Variants in MIPEP observed in about 807,000 individuals in gnomAD.
The protein encoded by MIPEP is mitochondrial intermediate peptidase.
In MIPEP, 79 loss-of-function variants were observed where a neutral mutation model predicts 90.3. The ratio of observed to expected loss-of-function variants is 0.87; its 90% CI spans 0.73 to 1.05. MIPEP has a LOEUF of 1.05. Among genes scored for constraint, MIPEP ranks in the 50% least tolerant of loss-of-function variants. The pLI is 0.00. For missense variants in MIPEP, 940 were observed against 905.6 expected (o/e 1.04, Z -0.49); for synonymous variants, 334 against 315.8 (o/e 1.06, Z -0.61).
At chr13:23,731,968 A>ATTTTT (rs57109674) in intron 18 of MIPEP, among the ~76,000 whole-genome samples, 3 of 97,870 alleles carry the variant, frequency 3.1e-5, no homozygotes, top group East Asian at 3.7e-4. Context: ...AGAATAGCTA[A>ATTTTT]TTTTTTTTTT....
intron 10 of MIPEP, among the ~76,000 whole-genome samples, chr13:23,852,255 C>T (rs1027445956): frequency 3.3e-5 from 5 of 151,982 alleles, no homozygotes; most frequent in East Asian, 1.9e-4. Flanking sequence ...CAAGGAAATA[C>T]GAATATAGAC....
At chr13:23,779,271 T>G (rs1350881682) in intron 16 of MIPEP, among the ~76,000 whole-genome samples, 1 of 152,178 alleles carries the variant, frequency 6.6e-6, no homozygotes, top group Non-Finnish European at 1.5e-5. Context: ...GAGTGATGTG[T>G]ATGTAGAAAA....
chr13:23,811,495 G>C (rs1330804122), intron 14 of MIPEP, among the ~76,000 whole-genome samples: 1 of 152,126 alleles, frequency 6.6e-6, no homozygotes, highest in African/African-American at 2.4e-5. Context: ...CCACATTCCT[G>C]AGGCTGGATT....
intron 1 of MIPEP, among the ~76,000 whole-genome samples, chr13:23,887,060 C>T (rs1287640167): frequency 6.6e-6 from 1 of 152,122 alleles, no homozygotes; most frequent in African/African-American, 2.4e-5. Context: ...GATCTCAGTA[C>T]ATAGTACCAA....
chr13:23,782,077 A>C (rs1449893189), intron 16 of MIPEP, among the ~76,000 whole-genome samples: 2 of 152,326 alleles, frequency 1.3e-5, no homozygotes, highest in Middle Eastern at 3.4e-3. Context: ...ATATCCAGGA[A>C]TTGAACACAG....
At chr13:23,878,931 T>C (rs1373095803) in intron 4 of MIPEP, among the ~76,000 whole-genome samples, 1 of 152,192 alleles carries the variant, frequency 6.6e-6, no homozygotes, top group East Asian at 1.9e-4. Context: ...GTACTGAGGA[T>C]GCAGCTGGGA....
intron 16 of MIPEP, among the ~76,000 whole-genome samples, chr13:23,801,833 C>G (rs1953045955): frequency 6.6e-6 from 1 of 152,210 alleles, no homozygotes; most frequent in Admixed American, 6.5e-5. Flanking sequence ...ATGACAATCA[C>G]TTGGGTTCTT....
chr13:23,730,228 A>G lies in MIPEP; in HGVS notation c.*120T>C. On this transcript the variant is annotated 3_prime_UTR_variant, in exon 19 of 19. Transcript: ENST00000382172. ...TATTTATTCCAAGTTCTACCAGTTTAAAGTTTTTCAGAATTACAGAAGCGA... is the reference window on the plus strand; with the variant it reads ...TATTTATTCCAAGTTCTACCAGTTTGAAGTTTTTCAGAATTACAGAAGCGA... 3 of 668,826 alleles carry G rather than the reference A, an allele frequency of 4.5e-6. No individual in the cohort carries two copies. The highest frequency in any genetic ancestry group is 3.9e-5 in the South Asian group (2 of 51,470). 41.4% of individuals were successfully genotyped at this position (668,826 alleles called of 1,614,324 possible). A position where few individuals can be genotyped will look rare whatever the true frequency, so the allele number is the denominator to read the frequency against.
intron 18 of MIPEP, among the ~76,000 whole-genome samples, chr13:23,736,244 AAG>A (rs1051117259): frequency 3.3e-5 from 5 of 152,254 alleles, no homozygotes; most frequent in African/African-American, 1.2e-4. Context: ...TACAATTAAA[AAG>A]AGAAAAGTGT....
chr13:23,818,826 G>GGGAAATTCC (rs1953273122), intron 14 of MIPEP, among the ~76,000 whole-genome samples: 1 of 152,212 alleles, frequency 6.6e-6, no homozygotes, highest in Admixed American at 6.5e-5. Context: ...AAATGTAACA[G>GGGAAATTCC]CGGAGAGGGA....
intron 16 of MIPEP, among the ~76,000 whole-genome samples, chr13:23,777,775 C>A (rs1171269464): frequency 6.6e-6 from 1 of 152,200 alleles, no homozygotes; most frequent in Admixed American, 6.5e-5. Flanking sequence ...TAAGCAAACT[C>A]CACTGCACCT....
intron 2 of MIPEP, among the ~76,000 whole-genome samples, chr13:23,883,932 A>G (rs1440826761): frequency 6.6e-6 from 1 of 152,224 alleles, no homozygotes; most frequent in Non-Finnish European, 1.5e-5. Flanking sequence ...CAGAGCCTGC[A>G]ACTTCACTCC....
intron 18 of MIPEP, among the ~76,000 whole-genome samples, chr13:23,753,265 A>T (rs964330352): frequency 1.3e-5 from 2 of 151,972 alleles, no homozygotes; most frequent in African/African-American, 4.8e-5. Context: ...AGACAAAAAA[A>T]GAAGTGTTTT....
At chr13:23,800,459 G>A (rs1953021726) in intron 16 of MIPEP, among the ~76,000 whole-genome samples, 1 of 152,224 alleles carries the variant, frequency 6.6e-6, no homozygotes, top group African/African-American at 2.4e-5. Flanking sequence ...TGGAAGAGAA[G>A]TGGTAACAGC....
At chr13:23,779,915 C>G (rs9580752) in intron 16 of MIPEP, among the ~76,000 whole-genome samples, 11,978 of 152,238 alleles carry the variant, frequency 0.079, 1,574 homozygotes, top group African/African-American at 0.27. Flanking sequence ...GGGGGAGGGG[C>G]GCCCACCATT....
chr13:23,832,486 A>T (rs916621235), intron 14 of MIPEP, among the ~76,000 whole-genome samples: 8 of 152,338 alleles, frequency 5.3e-5, no homozygotes, highest in Non-Finnish European at 1.0e-4. Flanking sequence ...GAATGATCAA[A>T]ACATTAAAAA....
At chr13:23,878,735 A>G (rs1871165165) in intron 4 of MIPEP, among the ~76,000 whole-genome samples, 1 of 152,252 alleles carries the variant, frequency 6.6e-6, no homozygotes, top group Admixed American at 6.5e-5. Flanking sequence ...TTATAAATGT[A>G]GCCTAATGAA....
chr13:23,843,827 T>G (rs1869413352), intron 10 of MIPEP, among the ~76,000 whole-genome samples: 1 of 152,138 alleles, frequency 6.6e-6, no homozygotes, highest in Admixed American at 6.5e-5. Flanking sequence ...TGTGAGTGAT[T>G]GGATTTGGAG....
intron 12 of MIPEP, among the ~76,000 whole-genome samples, chr13:23,838,828 A>G (rs1383609930): frequency 2.0e-5 from 3 of 152,118 alleles, no homozygotes; most frequent in African/African-American, 7.2e-5. Context: ...TACCTTTCAC[A>G]CCTACTAGAC....
Sources: gnomAD v4.1 joint callset for allele counts (sites outside exome capture counted in the v4.1 genomes callset) on GRCh38, gnomAD v4.1.1 for gene constraint, MANE v1.5 for transcripts, NCBI Gene and HGNC (gene_info 2026-07-23, HGNC 2026-07-21) for gene names.